FAM221B: variants seen among roughly 807,000 people sequenced by gnomAD.
The protein encoded by FAM221B is family with sequence similarity 221 member B.
Under a neutral mutation model 39.8 loss-of-function variants are expected in FAM221B, and 35 were observed. The ratio of observed to expected loss-of-function variants is 0.88; its 90% CI spans 0.67 to 1.17. The LOEUF (loss-of-function observed/expected upper bound fraction) is 1.17. Among genes scored for constraint, FAM221B ranks in the 50% most tolerant of loss-of-function variants. FAM221B has a pLI of 0.00. For synonymous variants in FAM221B, 158 were observed against 178.1 expected (o/e 0.89, Z 0.90); for missense variants, 479 against 503.1 (o/e 0.95, Z 0.46).
At position 35,819,059 on chromosome 9, in the gene FAM221B, AG is replaced by A. The variant is rs1335530536; in HGVS notation, c.1052-51del. The A allele has an allele frequency of 3.2e-6, 5 of 1,549,690 alleles. No individual in the cohort carries two copies. The African/African-American group carries it at 6.8e-5, about 21-fold the overall frequency. ...GAGTTTAGGAAATGGTGGTATCCCC[AG>A]GAGCTGACCACATTCTCATCTCTTC... On this transcript the variant is annotated intron_variant, in intron 5 of 6. Coordinates refer to ENST00000423537, the MANE Select transcript of FAM221B (RefSeq NM_001012446.4).
At chr9:35,824,408 G>A (rs1466486216) in intron 3 of FAM221B, among the ~76,000 whole-genome samples, 1 of 152,186 alleles carries the variant, frequency 6.6e-6, no homozygotes, top group Non-Finnish European at 1.5e-5. Flanking sequence ...CACAGGCTGA[G>A]GCTTGGAAAC....
chr9:35,818,825 C>G (rs1450087903), intron 6 of FAM221B, 65 bp downstream of exon 6: 7 of 1,543,174 alleles, frequency 4.5e-6, no homozygotes, highest in Non-Finnish European at 6.1e-6. Flanking sequence ...GATGGGAGTG[C>G]CTTCCTGCCT....
chr9:35,826,224 A>G, intron 1 of FAM221B, 63 bp from the exon 2 acceptor site: 1 of 1,318,750 alleles, frequency 7.6e-7, no homozygotes, highest in Non-Finnish European at 1.0e-6. Flanking sequence ...AAGTCAGGGC[A>G]GAGCCCAGGG....
rs1368812523 is a variant in FAM221B at position 35,825,839 on chromosome 9, A to G, written c.323T>C (p.Leu108Pro). The change falls in exon 2 of 7, where the codon CTT (leucine) becomes CCT (proline). Residue 108 changes from leucine to proline, a missense_variant. Coordinates refer to ENST00000423537, the MANE Select transcript of FAM221B (RefSeq NM_001012446.4). The surrounding 1 kb of genome is among the most constrained non-coding windows in gnomAD (Gnocchi z 4.2). ...GACATAGTCTCGTGATTGGGGAGGA[A>G]GAGTAAGGTGTTTCTCTGGCACCAC... ...ISVVPEKHLT[L>P]PPQSRDYVCL... is the part of the protein sequence containing the mutation. The G allele has an allele frequency of 1.9e-6, 3 of 1,614,030 alleles. No individual in the cohort carries two copies. In the African/African-American group the frequency reaches 4.0e-5, roughly 22 times the overall value.
chr9:35,827,290 C>T (rs1272504414), intron 1 of FAM221B, among the ~76,000 whole-genome samples: 2 of 152,224 alleles, frequency 1.3e-5, no homozygotes, highest in African/African-American at 2.4e-5. Context: ...TTCAAGTTCT[C>T]ATCATCTTCA....
At position 35,826,057 on chromosome 9, in the gene FAM221B, G is replaced by C. The variant is rs368225442; in HGVS notation, c.105C>G (p.Ile35Met). ...PSAEDLQENH[I>M]SESFLKPSTS... ...TGGAAGGCTTCAAGAAGCTTTCAGA[G>C]ATATGGTTCTCCTGTAAGTCCTCAG... is the stretch of plus-strand genomic sequence containing the variant. Residue 35 changes from isoleucine (I) to methionine (M), a missense_variant, in exon 2 of 7, where the codon ATC becomes ATG. By Grantham distance (10) the Ile-to-Met change is conservative (BLOSUM62 1). Coordinates refer to ENST00000423537, the MANE Select transcript of FAM221B (RefSeq NM_001012446.4). The C allele has an allele frequency of 9.9e-6, 16 of 1,614,030 alleles. No individual in the cohort carries two copies. The highest frequency in any genetic ancestry group is 1.3e-5 in the Non-Finnish European group (15 of 1,180,028).
At chr9:35,818,547 G>A (rs1195240189) in intron 6 of FAM221B, 41 bp from the exon 7 acceptor site, 1 of 1,541,820 alleles carries the variant, frequency 6.5e-7, no homozygotes, top group African/African-American at 1.4e-5. Context: ...TCAGGTATGG[G>A]GGTCAGAAGG....
chr9:35,825,987 C>T lies in FAM221B; in HGVS notation c.175G>A (p.Val59Met). ...LEPHTSESPL[V>M]PSPSQIPLEA... The stretch of plus-strand genomic sequence containing the variant: ...AAGGGGATCTGGGAAGGGGATGGCA[C>T]CAAAGGGGATTCAGAGGTATGGGGC... Residue 59 changes from valine (V) to methionine (M), a missense_variant, in exon 2 of 7, where the codon GTG becomes ATG. Coordinates refer to ENST00000423537, the MANE Select transcript of FAM221B (RefSeq NM_001012446.4). The surrounding 1 kb of genome is among the most constrained non-coding windows in gnomAD (Gnocchi z 4.2). 1 of 1,613,942 alleles carries T rather than the reference C, an allele frequency of 6.2e-7. No homozygotes were observed. The highest frequency in any genetic ancestry group is 8.5e-7 in the Non-Finnish European group (1 of 1,179,984).
intron 3 of FAM221B, among the ~76,000 whole-genome samples, chr9:35,820,471 T>C (rs1184132561): frequency 6.6e-6 from 1 of 152,240 alleles, no homozygotes; most frequent in Non-Finnish European, 1.5e-5. Context: ...GATTGGCTCC[T>C]AAGGAGCATA....
chr9:35,820,038 T>G (rs750056274), intron 3 of FAM221B, 38 bp from the exon 4 acceptor site: 12 of 1,500,952 alleles, frequency 8.0e-6, no homozygotes, highest in Admixed American at 1.7e-5. Context: ...GTAAAAAAAT[T>G]CTAAGCTCCC....
At chr9:35,821,514 T>C (rs777891721) in intron 3 of FAM221B, 3 of 1,367,834 alleles carry the variant, frequency 2.2e-6, no homozygotes, top group East Asian at 4.5e-5. Context: ...GCTGATTGCC[T>C]GTAGTGCCAG....
At chr9:35,821,986 T>C (rs914777463) in intron 3 of FAM221B, among the ~76,000 whole-genome samples, 1 of 152,176 alleles carries the variant, frequency 6.6e-6, no homozygotes, top group African/African-American at 2.4e-5. Context: ...AGTTCCACAA[T>C]CACATAATCA....
chr9:35,824,662 TTTTTTTG>T (rs1281323317), intron 3 of FAM221B, among the ~76,000 whole-genome samples: 6 of 151,902 alleles, frequency 3.9e-5, no homozygotes, highest in Non-Finnish European at 7.4e-5. Flanking sequence ...CCCTTCTGTT[TTTTTTTG>T]TTTTTTGTTT....
chr9:35,827,680 T>G (rs553746550), intron 1 of FAM221B, among the ~76,000 whole-genome samples: 32 of 152,204 alleles, frequency 2.1e-4, no homozygotes, highest in Non-Finnish European at 3.8e-4. Context: ...AAGTCCAAAT[T>G]TCTTGGCCCT....
chr9:35,816,682 A>G lies in FAM221B; in HGVS notation c.*1787T>C, dbSNP rs374024243. 13 of 152,320 alleles carry G rather than the reference A, an allele frequency of 8.5e-5. No homozygotes were observed. The South Asian group carries it at 2.7e-3, about 32-fold the overall frequency. The allele number at this position is 152,320 out of a possible 1,614,324, so 9.4% of individuals were successfully genotyped here. A position where few individuals can be genotyped will look rare whatever the true frequency, so the allele number is the denominator to read the frequency against. The stretch of plus-strand genomic sequence containing the variant: ...AATGGTTATCATGGGGCATATAACC[A>G]CTGTTGGGGAACTTTGCTTCTAGAG... On this transcript the variant is annotated 3_prime_UTR_variant, in exon 7 of 7. Transcript: ENST00000423537.
At chr9:35,819,448 A>AT in intron 4 of FAM221B, 54 bp from the exon 5 acceptor site, 1 of 1,480,530 alleles carries the variant, frequency 6.8e-7, no homozygotes, top group Non-Finnish European at 9.1e-7. Flanking sequence ...TTGCCTTCTC[A>AT]TGCCAACCCC....
At chr9:35,823,151 G>A (rs139396517) in intron 3 of FAM221B, among the ~76,000 whole-genome samples, 248 of 152,330 alleles carry the variant, frequency 1.6e-3, no homozygotes, top group Non-Finnish European at 2.6e-3. Flanking sequence ...GATATCAGCT[G>A]AGAAGTCATT....
chr9:35,824,485 G>A (rs1829249202), intron 3 of FAM221B, among the ~76,000 whole-genome samples: 1 of 152,082 alleles, frequency 6.6e-6, no homozygotes, highest in Non-Finnish European at 1.5e-5. Context: ...TACCCAGCAT[G>A]GGCCTGGCAT....
chr9:35,820,651 C>A (rs1318455015), intron 3 of FAM221B, among the ~76,000 whole-genome samples: 1 of 152,122 alleles, frequency 6.6e-6, no homozygotes, highest in East Asian at 1.9e-4. Context: ...GCCAAAGGTT[C>A]TTCAAGGGTC....
Sources: gnomAD v4.1 joint callset for allele counts (sites outside exome capture counted in the v4.1 genomes callset) on GRCh38, gnomAD v4.1.1 for gene constraint, Gnocchi (gnomAD v3.1) non-coding constraint, MANE v1.5 for transcripts, NCBI Gene and HGNC (gene_info 2026-07-23, HGNC 2026-07-21) for gene names.